The following CYP3A7 variants were observed in gnomAD, a reference collection of about 807,000 sequenced individuals.
The protein encoded by CYP3A7 is cytochrome P450 3A7.
A neutral mutation model predicts 55.2 loss-of-function variants in CYP3A7; 45 were observed. The observed-to-expected ratio is 0.82, with a 90% CI of 0.64 to 1.05. CYP3A7 has a LOEUF of 1.05. Among genes scored for constraint, CYP3A7 ranks in the 50% least tolerant of loss-of-function variants. The pLI is 0.00. For synonymous variants in CYP3A7, 180 were observed against 207.4 expected (o/e 0.87, Z 1.13); for missense variants, 548 against 605.3 (o/e 0.91, Z 0.99).
chr7:99,715,710 G>A (rs1813916710), intron 7 of CYP3A7, 48 bp downstream of exon 7: 1 of 1,612,880 alleles, frequency 6.2e-7, no homozygotes, highest in Non-Finnish European at 8.5e-7. Context: ...CAATAAAGCA[G>A]TTATTTTTAA....
intron 4 of CYP3A7, among the ~76,000 whole-genome samples, chr7:99,720,053 G>A (rs1196402992): frequency 1.3e-5 from 2 of 152,120 alleles, no homozygotes; most frequent in East Asian, 1.9e-4. Context: ...CCACACAAAT[G>A]AGGGCACATA....
At chr7:99,722,739 G>C (rs546167946) in intron 2 of CYP3A7, among the ~76,000 whole-genome samples, 1 of 152,172 alleles carries the variant, frequency 6.6e-6, no homozygotes, top group Non-Finnish European at 1.5e-5. Context: ...AGAAGGGAAC[G>C]TGCAGTCTTT....
At chr7:99,730,338 G>T (rs1006367951) in intron 2 of CYP3A7, among the ~76,000 whole-genome samples, 2 of 152,120 alleles carry the variant, frequency 1.3e-5, no homozygotes, top group African/African-American at 4.8e-5. Flanking sequence ...AAATATCTGA[G>T]GTTAATAGAC....
chr7:99,720,225 T>A, intron 4 of CYP3A7, 88 bp downstream of exon 4: 1 of 1,524,616 alleles, frequency 6.6e-7, no homozygotes, highest in African/African-American at 1.4e-5. Flanking sequence ...GCACAGTTTT[T>A]AGGCAACTGT....
intron 2 of CYP3A7, among the ~76,000 whole-genome samples, chr7:99,728,666 A>G (rs1444807584): frequency 3.9e-5 from 6 of 152,186 alleles, no homozygotes; most frequent in Non-Finnish European, 8.8e-5. Context: ...AATTGAAAAA[A>G]TTCAATTTGC....
intron 3 of CYP3A7, among the ~76,000 whole-genome samples, chr7:99,721,476 C>A (rs1814195446): frequency 6.6e-6 from 1 of 152,086 alleles, no homozygotes; most frequent in Admixed American, 6.5e-5. Context: ...AGCACATATT[C>A]GAAGGGTCTG....
intron 10 of CYP3A7, among the ~76,000 whole-genome samples, chr7:99,710,477 T>C (rs1046609350): frequency 1.1e-4 from 16 of 152,180 alleles, no homozygotes; most frequent in African/African-American, 3.9e-4. Flanking sequence ...TTTTTGGATG[T>C]TTTTTTACTT....
At chr7:99,720,754 T>A (rs1814167131) in intron 3 of CYP3A7, 1 of 243,678 alleles carries the variant, frequency 4.1e-6, no homozygotes, top group Non-Finnish European at 8.2e-6. Context: ...TCCACAATGT[T>A]TCATAGGTTT....
chr7:99,722,036 C>T, intron 3 of CYP3A7, among the ~76,000 whole-genome samples: 1 of 152,204 alleles, frequency 6.6e-6, no homozygotes, highest in East Asian at 1.9e-4. Flanking sequence ...CACATGAAGT[C>T]CTCCTCATAT....
At chr7:99,709,366 A>T (rs1212217325) in intron 10 of CYP3A7, 105 bp from the exon 11 acceptor site, 2 of 1,493,370 alleles carry the variant, frequency 1.3e-6, no homozygotes, top group Non-Finnish European at 9.1e-7. Flanking sequence ...AGAACAACTC[A>T]TACTGGCAAA....
chr7:99,732,431 G>C lies in CYP3A7; in HGVS notation c.72-1279C>G, dbSNP rs1814663644. Among the ~76,000 whole-genome samples, 3 of 152,090 alleles carry C rather than the reference G, an allele frequency of 2.0e-5. No individual in the cohort carries two copies. The South Asian group carries it at 6.2e-4, about 32-fold the overall frequency. On this transcript the variant is annotated intron_variant, in intron 1 of 12. Coordinates refer to ENST00000336374, the MANE Select transcript of CYP3A7 (RefSeq NM_000765.5). ...ATGGAAGAAAAGACTAATACAGCCA[G>C]ACATGCTCATTTTTTTTCAAGGTGA...
chr7:99,733,160 C>T (rs1019599043), intron 1 of CYP3A7, among the ~76,000 whole-genome samples: 19 of 152,192 alleles, frequency 1.2e-4, no homozygotes, highest in African/African-American at 4.6e-4. Context: ...TGGGTTTTCC[C>T]ACTCCTGTTC....
intron 4 of CYP3A7, 129 bp downstream of exon 4, chr7:99,720,184 G>T: frequency 2.7e-6 from 3 of 1,110,366 alleles, no homozygotes; most frequent in Non-Finnish European, 4.0e-6. Flanking sequence ...CATGGGGGAT[G>T]GGCAGGATGA....
intron 2 of CYP3A7, among the ~76,000 whole-genome samples, chr7:99,726,814 G>A (rs927358137): frequency 3.3e-5 from 5 of 152,028 alleles, no homozygotes; most frequent in South Asian, 2.1e-4. Context: ...AAAGGATATC[G>A]GGTATCCCCC....
chr7:99,716,882 C>A (rs113485421), intron 6 of CYP3A7, among the ~76,000 whole-genome samples: 16 of 152,188 alleles, frequency 1.1e-4, no homozygotes, highest in African/African-American at 3.9e-4. Context: ...AACTTTGATA[C>A]AATCACACTT....
chr7:99,721,154 G>A (rs1246992688), intron 3 of CYP3A7, among the ~76,000 whole-genome samples: 2 of 152,174 alleles, frequency 1.3e-5, no homozygotes, highest in Non-Finnish European at 2.9e-5. Flanking sequence ...CAGCCCACCA[G>A]GGAACACAAT....
intron 4 of CYP3A7, among the ~76,000 whole-genome samples, chr7:99,719,102 A>G (rs1221900616): frequency 6.6e-6 from 1 of 152,242 alleles, no homozygotes; most frequent in African/African-American, 2.4e-5. Flanking sequence ...ATTTAATTCA[A>G]TTCTTGTTAA....
intron 10 of CYP3A7, among the ~76,000 whole-genome samples, chr7:99,709,705 C>T (rs373166336): frequency 1.4e-4 from 22 of 152,156 alleles, no homozygotes; most frequent in African/African-American, 5.3e-4. Context: ...GGCCAAACTT[C>T]TGGTTCATAA....
At chr7:99,730,815 G>A (rs1584525321) in intron 2 of CYP3A7, 1 of 486,828 alleles carries the variant, frequency 2.1e-6, no homozygotes, top group Non-Finnish European at 3.7e-6. Context: ...ACATCAAGTT[G>A]TGAACATCAG....
Sources: gnomAD v4.1 joint callset for allele counts (sites outside exome capture counted in the v4.1 genomes callset) on GRCh38, gnomAD v4.1.1 for gene constraint, MANE v1.5 for transcripts, NCBI Gene and HGNC (gene_info 2026-07-23, HGNC 2026-07-21) for gene names.